HS3ST4: variants seen among roughly 807,000 people sequenced by gnomAD.
The protein encoded by HS3ST4 is heparan sulfate-glucosamine 3-sulfotransferase 4.
Under a neutral mutation model 29.2 loss-of-function variants are expected in HS3ST4, and 17 were observed. The ratio of observed to expected loss-of-function variants is 0.58; its 90% confidence interval spans 0.40 to 0.87. The LOEUF (loss-of-function observed/expected upper bound fraction) is 0.87, where lower values mean the gene tolerates loss of function less well. Ranked by LOEUF, HS3ST4 falls within the 40% of genes least tolerant of loss-of-function variation. The pLI is 0.00. For missense variants in HS3ST4, 627 were observed against 634.5 expected (o/e 0.99, Z 0.13); for synonymous variants, 314 against 285.7 (o/e 1.10, Z -1.00).
intron 1 of HS3ST4, among the ~76,000 whole-genome samples, chr16:25,858,951 T>C (rs888231331): frequency 6.6e-6 from 1 of 152,182 alleles, no homozygotes; most frequent in African/African-American, 2.4e-5. Context: ...TTTGTCTTTC[T>C]TTAGTTTGGG....
At chr16:25,778,839 C>G (rs776018352) in intron 1 of HS3ST4, among the ~76,000 whole-genome samples, 1 of 152,172 alleles carries the variant, frequency 6.6e-6, no homozygotes, top group Non-Finnish European at 1.5e-5. Flanking sequence ...CATAGAAACC[C>G]TGTCTGAGTT....
intron 1 of HS3ST4, among the ~76,000 whole-genome samples, chr16:25,721,943 G>T (rs149286230): frequency 6.6e-6 from 1 of 152,152 alleles, no homozygotes; most frequent in African/African-American, 2.4e-5. Context: ...CAAGGAAGAC[G>T]TAGAAGATGT....
chr16:26,133,696 C>T (rs895689674), intron 1 of HS3ST4, among the ~76,000 whole-genome samples: 17 of 152,198 alleles, frequency 1.1e-4, no homozygotes, highest in African/African-American at 3.9e-4. Flanking sequence ...TAATTATTGA[C>T]AGAGCATGTG....
intron 1 of HS3ST4, among the ~76,000 whole-genome samples, chr16:25,889,041 C>A (rs930716565): frequency 6.6e-6 from 1 of 152,152 alleles, no homozygotes; most frequent in Non-Finnish European, 1.5e-5. Flanking sequence ...CCATTGACTG[C>A]TATAACCTTG....
chr16:25,695,291 A>C (rs1233584549), intron 1 of HS3ST4, among the ~76,000 whole-genome samples: 1 of 152,176 alleles, frequency 6.6e-6, no homozygotes, highest in East Asian at 1.9e-4. Context: ...CCCAGCATCT[A>C]GTCCAGGGGT....
intron 1 of HS3ST4, among the ~76,000 whole-genome samples, chr16:25,865,873 G>GA (rs1352320772): frequency 2.6e-5 from 4 of 151,928 alleles, no homozygotes; most frequent in Admixed American, 6.6e-5. Flanking sequence ...AAAGCCACTA[G>GA]AAAAAAACAG....
intron 1 of HS3ST4, among the ~76,000 whole-genome samples, chr16:25,726,642 C>A (rs1336389408): frequency 1.3e-5 from 2 of 152,168 alleles, no homozygotes; most frequent in Non-Finnish European, 2.9e-5. Context: ...CCCTTGTTCT[C>A]CCTGCCCTCA....
At chr16:25,945,801 C>A (rs1968619660) in intron 1 of HS3ST4, among the ~76,000 whole-genome samples, 1 of 152,138 alleles carries the variant, frequency 6.6e-6, no homozygotes, top group Non-Finnish European at 1.5e-5. Flanking sequence ...GTGTAACAAC[C>A]CACCTTTCCA....
intron 1 of HS3ST4, among the ~76,000 whole-genome samples, chr16:25,875,922 A>G (rs1567262264): frequency 6.6e-6 from 1 of 152,168 alleles, no homozygotes; most frequent in Non-Finnish European, 1.5e-5. Flanking sequence ...CAATAGGTAT[A>G]TTAGGATCTG....
At chr16:25,719,488 C>T (rs1262976220) in intron 1 of HS3ST4, among the ~76,000 whole-genome samples, 7 of 152,218 alleles carry the variant, frequency 4.6e-5, no homozygotes, top group Admixed American at 4.6e-4. Flanking sequence ...TTAGATTTCA[C>T]TTCGCAAGAA....
chr16:25,845,340 A>G (rs1011945153), intron 1 of HS3ST4, among the ~76,000 whole-genome samples: 5 of 152,010 alleles, frequency 3.3e-5, no homozygotes, highest in Non-Finnish European at 4.4e-5. Flanking sequence ...GAAACCCTGT[A>G]TCTACTAAAA....
intron 1 of HS3ST4, among the ~76,000 whole-genome samples, chr16:26,014,058 T>A (rs925006450): frequency 9.0e-6 from 1 of 110,752 alleles, no homozygotes; most frequent in Non-Finnish European, 1.9e-5. Flanking sequence ...AATTAAAAAA[T>A]TTTAAAAACA....
chr16:26,012,370 G>T (rs1485955407), intron 1 of HS3ST4, among the ~76,000 whole-genome samples: 1 of 152,194 alleles, frequency 6.6e-6, no homozygotes, highest in Non-Finnish European at 1.5e-5. Context: ...AAAGAGGAAA[G>T]GTCAAGAGAG....
At chr16:25,859,180 G>A (rs918240128) in intron 1 of HS3ST4, among the ~76,000 whole-genome samples, 5 of 152,116 alleles carry the variant, frequency 3.3e-5, no homozygotes, top group African/African-American at 7.2e-5. Context: ...TAATGGACTA[G>A]CATTTTTAAG....
At chr16:25,944,541 G>T (rs891545258) in intron 1 of HS3ST4, among the ~76,000 whole-genome samples, 1 of 152,216 alleles carries the variant, frequency 6.6e-6, no homozygotes, top group African/African-American at 2.4e-5. Context: ...TTAAGTTAAG[G>T]ACATTTACAT....
At chr16:25,774,233 C>A (rs960587734) in intron 1 of HS3ST4, among the ~76,000 whole-genome samples, 1 of 152,222 alleles carries the variant, frequency 6.6e-6, no homozygotes, top group African/African-American at 2.4e-5. Context: ...TAAACAGCCA[C>A]AGTGAGAGTG....
rs576902938 is a variant in HS3ST4 at position 25,780,731 on chromosome 16, A to G, written c.734+87580A>G. On this transcript the variant is annotated intron_variant, in intron 1 of 1. Transcript: ENST00000331351. ...CTGTTGACCACAGTCAGTCCCTGGA[A>G]CTCAGTAAACTGCCTAATGGAAATA... Among the ~76,000 whole-genome samples the G allele has an allele frequency of 7.2e-5, 11 of 152,304 alleles. No homozygotes were observed. In the East Asian group the frequency reaches 2.1e-3, roughly 29 times the overall value.
At chr16:25,815,253 G>A (rs990596612) in intron 1 of HS3ST4, among the ~76,000 whole-genome samples, 1 of 152,234 alleles carries the variant, frequency 6.6e-6, no homozygotes, top group African/African-American at 2.4e-5. Context: ...TCATTGAAGT[G>A]TGAATTTCAC....
chr16:25,823,047 A>G (rs948638893), intron 1 of HS3ST4, among the ~76,000 whole-genome samples: 2 of 152,110 alleles, frequency 1.3e-5, no homozygotes, highest in Non-Finnish European at 2.9e-5. Context: ...CCACAGGATT[A>G]CTTTTAATAA....
Sources: gnomAD v4.1 joint callset for allele counts (sites outside exome capture counted in the v4.1 genomes callset) on GRCh38, gnomAD v4.1.1 for gene constraint, MANE v1.5 for transcripts, NCBI Gene and HGNC (gene_info 2026-07-23, HGNC 2026-07-21) for gene names.